GRIP1: variants seen among roughly 807,000 people sequenced by gnomAD.
GRIP1 encodes the protein glutamate receptor-interacting protein 1.
GRIP1 carries 45 observed loss-of-function variants against 129.9 expected under a neutral mutation model. The observed-to-expected ratio is 0.35, with a 90% CI of 0.27 to 0.44. The LOEUF (loss-of-function observed/expected upper bound fraction) is 0.44, where lower values mean the gene tolerates loss of function less well. GRIP1 is among the 20% of genes least tolerant of loss of function. GRIP1 has a pLI of 1.00. For missense variants in GRIP1, 1,196 were observed against 1,396.8 expected (o/e 0.86, Z 2.29); for synonymous variants, 530 against 520.8 (o/e 1.02, Z -0.24).
At chr12:66,894,815 T>G (rs1179267935) in intron 1 of GRIP1, among the ~76,000 whole-genome samples, 1 of 152,216 alleles carries the variant, frequency 6.6e-6, no homozygotes, top group Non-Finnish European at 1.5e-5. Context: ...AGTTACTGTG[T>G]TGAAACATTT....
chr12:66,380,612 T>A (rs2056061006), intron 19 of GRIP1, among the ~76,000 whole-genome samples: 1 of 152,242 alleles, frequency 6.6e-6, no homozygotes, highest in Non-Finnish European at 1.5e-5. Flanking sequence ...GATAGAAATG[T>A]TTTTAAAGCA....
intron 1 of GRIP1, chr12:67,065,378 C>A (rs188739040): frequency 4.6e-5 from 7 of 152,132 alleles, no homozygotes; most frequent in South Asian, 2.1e-4. Flanking sequence ...AAGAGAAGTT[C>A]TCAGTTTCAT....
intron 1 of GRIP1, among the ~76,000 whole-genome samples, chr12:66,674,275 G>A (rs1055006424): frequency 4.6e-5 from 7 of 152,124 alleles, no homozygotes; most frequent in African/African-American, 1.7e-4. Flanking sequence ...ACAGACAGAT[G>A]GGAAAGAGCA....
At chr12:66,987,847 T>C (rs931771213) in intron 1 of GRIP1, among the ~76,000 whole-genome samples, 1 of 152,144 alleles carries the variant, frequency 6.6e-6, no homozygotes. Context: ...CAACCAATGC[T>C]TTCAGGAATG....
chr12:67,007,111 A>G (rs1253558466), intron 1 of GRIP1, among the ~76,000 whole-genome samples: 2 of 152,216 alleles, frequency 1.3e-5, no homozygotes, highest in Admixed American at 6.6e-5. Flanking sequence ...TCTAAATGCT[A>G]ACAACTTTCA....
chr12:66,909,024 T>C (rs1468342791), intron 1 of GRIP1, among the ~76,000 whole-genome samples: 1 of 152,240 alleles, frequency 6.6e-6, no homozygotes, highest in Non-Finnish European at 1.5e-5. Context: ...AGCACATTCC[T>C]CAATATTTTT....
In GRIP1 at chr12:66,445,363, T is replaced by C; in HGVS notation, c.1500A>G (p.Pro500=). 1 of 1,614,082 alleles carries C rather than the reference T, an allele frequency of 6.2e-7. No homozygotes were observed. Among genetic ancestry groups the C allele is most frequent in the African/African-American group, 1.3e-5 (1 of 75,018 alleles). ...SVFATETLSS[P]PLISYIEADS... ...CAGCTTCGATATAGGAAATCAGAGG[T>C]GGAGAAGAGAGAGTTTCTGTGGCAA... Residue 500 remains proline (P), a synonymous_variant, in exon 12 of 25, where the codon CCA becomes CCG. Coordinates refer to ENST00000359742, the MANE Select transcript of GRIP1 (RefSeq NM_001366722.1).
At chr12:66,824,503 C>A (rs1328604754) in intron 1 of GRIP1, among the ~76,000 whole-genome samples, 4 of 152,144 alleles carry the variant, frequency 2.6e-5, no homozygotes, top group Non-Finnish European at 5.9e-5. Flanking sequence ...ATGGCCTACT[C>A]ATCATGAAGC....
intron 4 of GRIP1, among the ~76,000 whole-genome samples, chr12:66,536,869 A>G (rs760238002): frequency 6.6e-6 from 1 of 152,176 alleles, no homozygotes; most frequent in Non-Finnish European, 1.5e-5. Flanking sequence ...CCAACTCTTC[A>G]TAATCAACCT....
chr12:66,930,833 G>C (rs543774492), intron 1 of GRIP1, among the ~76,000 whole-genome samples: 58 of 152,266 alleles, frequency 3.8e-4, no homozygotes, highest in African/African-American at 1.4e-3. Context: ...AAGTGATTTA[G>C]AGAGCTCTTA....
At chr12:66,728,862 A>G (rs963145566) in intron 1 of GRIP1, among the ~76,000 whole-genome samples, 1 of 152,116 alleles carries the variant, frequency 6.6e-6, no homozygotes, top group Non-Finnish European at 1.5e-5. Context: ...ACAGAATCGC[A>G]GCATACATAA....
intron 2 of GRIP1, among the ~76,000 whole-genome samples, chr12:66,566,260 T>C (rs957840573): frequency 1.3e-5 from 2 of 152,358 alleles, no homozygotes; most frequent in Admixed American, 6.5e-5. Flanking sequence ...TGTGGGTTTA[T>C]CATAAATAGC....
At chr12:66,874,133 A>G (rs2040342788) in intron 1 of GRIP1, among the ~76,000 whole-genome samples, 1 of 152,136 alleles carries the variant, frequency 6.6e-6, no homozygotes, top group Non-Finnish European at 1.5e-5. Flanking sequence ...TTACTGTGTG[A>G]TTGCAAAAGT....
intron 1 of GRIP1, among the ~76,000 whole-genome samples, chr12:66,990,809 A>G (rs2042382581): frequency 6.6e-6 from 1 of 152,124 alleles, no homozygotes; most frequent in Admixed American, 6.5e-5. Context: ...ATTCTGACCA[A>G]CATGGAGGAA....
Position 66,377,229 on chromosome 12 carries a change from T to C in GRIP1, c.2678A>G (p.Gln893Arg). 6.2e-7 allele frequency: 1 copy of C among 1,614,070 alleles called. No homozygotes were observed. Among genetic ancestry groups the C allele is most frequent in the Non-Finnish European group, 8.5e-7 (1 of 1,179,920 alleles). Reference protein sequence around the residue: ...ETEQEENFWSQALEDLETCGQ... With the variant: ...ETEQEENFWSRALEDLETCGQ... ...GCAGGTTTCCAAATCCTCCAGCGCT[T>C]GAGACCAGAAGTTCTCCTCTTGTTC... The change falls in exon 21 of 25, where the codon CAA (glutamine) becomes CGA (arginine). Residue 893 changes from glutamine to arginine, a missense_variant. Coordinates refer to ENST00000359742, the MANE Select transcript of GRIP1 (RefSeq NM_001366722.1).
intron 1 of GRIP1, among the ~76,000 whole-genome samples, chr12:66,666,560 T>A (rs1372071266): frequency 6.6e-6 from 1 of 152,186 alleles, no homozygotes; most frequent in Non-Finnish European, 1.5e-5. Context: ...ATATTCTTCA[T>A]CAGGCCTTCT....
chr12:66,553,207 C>T (rs1213178215), intron 2 of GRIP1, among the ~76,000 whole-genome samples: 8 of 152,108 alleles, frequency 5.3e-5, no homozygotes, highest in Non-Finnish European at 7.4e-5. Context: ...CTCTTTGATG[C>T]CATCCATCCT....
chr12:66,632,004 G>A (rs1399656514), intron 1 of GRIP1, among the ~76,000 whole-genome samples: 2 of 152,190 alleles, frequency 1.3e-5, no homozygotes, highest in Non-Finnish European at 2.9e-5. Flanking sequence ...GAGGATCTCA[G>A]GAGCCTGTCT....
At chr12:66,686,612 G>A (rs746186977) in intron 1 of GRIP1, among the ~76,000 whole-genome samples, 14 of 152,066 alleles carry the variant, frequency 9.2e-5, no homozygotes, top group Non-Finnish European at 1.9e-4. Flanking sequence ...TTGTGGCATA[G>A]GAAGGAGCTA....
Sources: allele counts gnomAD v4.1 joint callset (sites outside exome capture counted in the v4.1 genomes callset), GRCh38; gene constraint gnomAD v4.1.1; transcripts MANE v1.5; gene names NCBI Gene and HGNC (gene_info 2026-07-23, HGNC 2026-07-21).